Variants in SYT7 observed in about 807,000 individuals in gnomAD.
The protein encoded by SYT7 is synaptotagmin 7.
In SYT7, 29 loss-of-function variants were observed where a neutral mutation model predicts 75.1. The observed-to-expected ratio is 0.39, with a 90% CI of 0.29 to 0.53. SYT7 has a LOEUF of 0.53. SYT7 is among the 20% of genes least tolerant of loss of function. SYT7 has a pLI of 0.77. For missense variants in SYT7, 693 were observed against 953.2 expected (o/e 0.73, Z 3.59); for synonymous variants, 376 against 401.7 (o/e 0.94, Z 0.76).
At chr11:61,584,834 G>C (rs539538518), upstream of SYT7, among the ~76,000 whole-genome samples, 2 of 152,232 alleles carry the variant, frequency 1.3e-5, no homozygotes, top group Non-Finnish European at 2.9e-5. Context: ...TATCTCATTG[G>C]GGAGGGCCTG....
At chr11:61,584,942 G>C (rs1406106698), upstream of SYT7, among the ~76,000 whole-genome samples, 1 of 152,354 alleles carries the variant, frequency 6.6e-6, no homozygotes, top group East Asian at 1.9e-4. Flanking sequence ...CCTGTCCTGG[G>C]TTCCATGACG....
At chr11:61,545,990 T>C (rs1324092624) in intron 5 of SYT7, 41 bp downstream of exon 5, 14 of 1,511,714 alleles carry the variant, frequency 9.3e-6, no homozygotes, top group Non-Finnish European at 1.2e-5. Context: ...AGGGCAGGCC[T>C]GAGCTCATGG....
At position 61,556,182 on chromosome 11, in the gene SYT7, C is replaced by A. The variant is rs762096125; in HGVS notation, c.57G>T (p.Leu19=). Residue 19 remains leucine (L), a synonymous_variant, in exon 2 of 13, where the codon CTG becomes CTT. Transcript: ENST00000539008. ...GGCTGACGGTGATGATGGCAGAGAC[C>A]AGCAGGACGTCGCGCGAGGGCGCCC... ...SPGAPSRDVL[L]VSAIITVSLS... The A allele has an allele frequency of 6.2e-7, 1 of 1,613,926 alleles. No homozygotes were observed. Among genetic ancestry groups the A allele is most frequent in the East Asian group, 2.2e-5 (1 of 44,870 alleles).
chr11:61,581,557 G>C (rs1029850263), upstream of SYT7, among the ~76,000 whole-genome samples: 1 of 152,226 alleles, frequency 6.6e-6, no homozygotes, highest in Non-Finnish European at 1.5e-5. Context: ...GCGGCGGTCC[G>C]GGGCAGACGG....
Position 61,542,185 on chromosome 11 carries a change from C to G in SYT7, c.941+26G>C. The G allele has an allele frequency of 1.3e-6, 2 of 1,526,532 alleles. No individual in the cohort carries two copies. The highest frequency in any genetic ancestry group is 1.8e-6 in the Non-Finnish European group (2 of 1,142,602). The allele number at this position is 1,526,532 out of a possible 1,614,324, so 94.6% of individuals were successfully genotyped here. On this transcript the variant is annotated intron_variant, in intron 6 of 12. Coordinates refer to ENST00000539008, the MANE Select transcript of SYT7 (RefSeq NM_001365809.2). This position sits in a 1 kb window ranked among gnomAD's most constrained non-coding sequence, Gnocchi z 7.8. The stretch of plus-strand genomic sequence containing the variant: ...GGAGGCTGGGTCAGGGAGGTGGGGG[C>G]CGGCCCGCTCAAGGGGAGGACTTAC...
At chr11:61,559,953 G>A (rs1017549104) in intron 1 of SYT7, among the ~76,000 whole-genome samples, 4 of 152,208 alleles carry the variant, frequency 2.6e-5, no homozygotes, top group African/African-American at 7.2e-5. Flanking sequence ...CATGTGGCCA[G>A]CAAGACACTT....
At chr11:61,568,396 C>T (rs2063832466) in intron 1 of SYT7, among the ~76,000 whole-genome samples, 1 of 152,236 alleles carries the variant, frequency 6.6e-6, no homozygotes, top group Non-Finnish European at 1.5e-5. Flanking sequence ...TTACAGTAGA[C>T]ATAGCTGGTA....
chr11:61,568,494 G>A (rs1333474806), intron 1 of SYT7, among the ~76,000 whole-genome samples: 2 of 152,170 alleles, frequency 1.3e-5, no homozygotes, highest in Non-Finnish European at 2.9e-5. Flanking sequence ...CAGCCACCCT[G>A]CCTCCCCAGG....
At chr11:61,566,471 G>A (rs904914929) in intron 1 of SYT7, among the ~76,000 whole-genome samples, 1 of 152,232 alleles carries the variant, frequency 6.6e-6, no homozygotes, top group African/African-American at 2.4e-5. Context: ...AGGGCCAGGT[G>A]CCAGCTCTGA....
At chr11:61,519,473 T>C (rs1354507399) in intron 12 of SYT7, among the ~76,000 whole-genome samples, 2 of 152,202 alleles carry the variant, frequency 1.3e-5, no homozygotes, top group South Asian at 4.1e-4. Context: ...CCGGCCAGTA[T>C]TCCTTAAGAC....
rs372123269 is a variant in SYT7 at position 61,514,839 on chromosome 11, T to C, written c.*3788A>G. ...GTCCAGCCAACAGACACAGAGCTCA[T>C]TGTCTTTCCTTTTCCCACCTCAGGG... On this transcript the variant is annotated 3_prime_UTR_variant, in exon 13 of 13. Transcript: ENST00000539008. 7.2e-5 allele frequency among the ~76,000 whole-genome samples: 11 copies of C among 152,300 alleles called. No individual in the cohort carries two copies. The East Asian group carries it at 1.5e-3, about 21-fold the overall frequency.
chr11:61,527,689 C>T (rs180731768), intron 9 of SYT7, among the ~76,000 whole-genome samples: 26 of 152,360 alleles, frequency 1.7e-4, no homozygotes, highest in Middle Eastern at 3.4e-3. Context: ...CGGGCCAGGA[C>T]GTTGCCTGTG....
At chr11:61,574,735 G>A (rs1015814742) in intron 1 of SYT7, among the ~76,000 whole-genome samples, 1 of 151,996 alleles carries the variant, frequency 6.6e-6, no homozygotes, top group Non-Finnish European at 1.5e-5. Flanking sequence ...GGGCCCTCCC[G>A]GGCCCAGGCC....
chr11:61,543,526 C>T (rs183644731), intron 5 of SYT7, among the ~76,000 whole-genome samples: 10 of 152,322 alleles, frequency 6.6e-5, no homozygotes, highest in Non-Finnish European at 1.2e-4. Context: ...GGTTCAAACC[C>T]CACCTCTGCC....
At chr11:61,538,386 AG>A in intron 6 of SYT7, 120 bp from the exon 7 acceptor site, 14 of 848,722 alleles carry the variant, frequency 1.6e-5, no homozygotes, top group Admixed American at 6.0e-5. Flanking sequence ...AGAGAGAGAG[AG>A]AAAGAGAGAG....
intron 7 of SYT7, among the ~76,000 whole-genome samples, chr11:61,534,456 CGT>C (rs1565176379): frequency 4.6e-5 from 7 of 151,936 alleles, no homozygotes; most frequent in African/African-American, 1.7e-4. Context: ...CACACACGCA[CGT>C]GCGTGCATAT....
At chr11:61,565,802 G>C (rs985129004) in intron 1 of SYT7, among the ~76,000 whole-genome samples, 3 of 152,260 alleles carry the variant, frequency 2.0e-5, no homozygotes, top group African/African-American at 7.2e-5. Flanking sequence ...GTTTTGGAAA[G>C]TTACAAGTAG....
intron 9 of SYT7, among the ~76,000 whole-genome samples, chr11:61,527,020 C>G (rs1237869315): frequency 6.6e-6 from 1 of 152,122 alleles, no homozygotes; most frequent in African/African-American, 2.4e-5. Context: ...TTTGTCTAAG[C>G]GGGGTCCTGG....
At chr11:61,530,443 C>G (rs1565172336) in intron 8 of SYT7, among the ~76,000 whole-genome samples, 1 of 152,226 alleles carries the variant, frequency 6.6e-6, no homozygotes, top group East Asian at 1.9e-4. Context: ...AGCCCCACAC[C>G]CTTTGACCCT....
Sources: gnomAD v4.1 joint callset for allele counts (sites outside exome capture counted in the v4.1 genomes callset) on GRCh38, gnomAD v4.1.1 for gene constraint, Gnocchi (gnomAD v3.1) non-coding constraint, MANE v1.5 for transcripts, NCBI Gene and HGNC (gene_info 2026-07-23, HGNC 2026-07-21) for gene names.